AHI1: variants seen among roughly 807,000 people sequenced by gnomAD.
AHI1 encodes jouberin.
In AHI1, 123 loss-of-function variants were observed where a neutral mutation model predicts 149.3. The observed-to-expected ratio is 0.82, with a 90% CI of 0.71 to 0.96. The LOEUF (loss-of-function observed/expected upper bound fraction) is 0.96. AHI1 is among the 40% of genes least tolerant of loss of function. AHI1 has a pLI of 0.00. For missense variants in AHI1, 1,439 were observed against 1,422.7 expected (o/e 1.01, Z -0.18); for synonymous variants, 475 against 459.8 (o/e 1.03, Z -0.42).
At chr6:135,301,962 C>T (rs1388098634) in intron 26 of AHI1, 1 of 985,010 alleles carries the variant, frequency 1.0e-6, no homozygotes, top group Non-Finnish European at 1.2e-6. Flanking sequence ...ATTCTAAACA[C>T]AGCAGTCAAA....
intron 19 of AHI1, among the ~76,000 whole-genome samples, chr6:135,427,732 A>AT (rs376782266): frequency 1.1e-4 from 16 of 148,524 alleles, no homozygotes; most frequent in South Asian, 2.1e-4. Context: ...TAACTTTTCC[A>AT]TTTTTTTTTT....
At chr6:135,314,166 T>C (rs147302907) in intron 26 of AHI1, among the ~76,000 whole-genome samples, 2 of 152,358 alleles carry the variant, frequency 1.3e-5, no homozygotes, top group Middle Eastern at 3.4e-3. Context: ...ATTCATGTGT[T>C]AAAATCCTAA....
chr6:135,413,539 C>G (rs577195659), intron 20 of AHI1, among the ~76,000 whole-genome samples: 1 of 151,372 alleles, frequency 6.6e-6, no homozygotes, highest in East Asian at 2.0e-4. Flanking sequence ...TGGAGTAAGG[C>G]AAGTGAGGCA....
At chr6:135,403,977 G>A (rs1383668834) in intron 22 of AHI1, among the ~76,000 whole-genome samples, 4 of 151,142 alleles carry the variant, frequency 2.6e-5, no homozygotes, top group African/African-American at 9.7e-5. Context: ...ATAGCCTATT[G>A]CATTCCAAGT....
chr6:135,405,452 A>C (rs1780621763), intron 21 of AHI1, among the ~76,000 whole-genome samples: 1 of 152,194 alleles, frequency 6.6e-6, no homozygotes, highest in Non-Finnish European at 1.5e-5. Flanking sequence ...TACAGAAAGG[A>C]ACTCTGTACA....
chr6:135,319,913 C>A (rs1786547250), intron 25 of AHI1, among the ~76,000 whole-genome samples: 1 of 150,808 alleles, frequency 6.6e-6, no homozygotes, highest in South Asian at 2.1e-4. Context: ...GTACGAACTT[C>A]TTTTATTGTG....
At chr6:135,297,843 AG>A (rs796296571) in intron 27 of AHI1, among the ~76,000 whole-genome samples, 61 of 152,364 alleles carry the variant, frequency 4.0e-4, no homozygotes, top group African/African-American at 1.4e-3. Flanking sequence ...GTTATTATAA[AG>A]ATGGAAAAAA....
intron 20 of AHI1, among the ~76,000 whole-genome samples, chr6:135,423,760 A>T (rs1385177721): frequency 1.3e-5 from 2 of 152,084 alleles, no homozygotes; most frequent in African/African-American, 4.8e-5. Flanking sequence ...TGTCCTCTGA[A>T]CCAGAGTTGA....
Position 135,414,036 on chromosome 6 carries a change from C to T in AHI1, c.2765-2492G>A, listed in dbSNP as rs140612263. Among the ~76,000 whole-genome samples, 585 of 152,030 alleles carry T rather than the reference C, an allele frequency of 3.8e-3. 7 individuals are homozygous for T. The highest frequency in any genetic ancestry group is 6.6e-3 in the East Asian group (34 of 5,178). The stretch of plus-strand genomic sequence containing the variant: ...GGAAATGAATATTACCTAGAACAGC[C>T]AAAACAACTTTGAAAAAGAAAAGAA... On this transcript the variant is annotated intron_variant, in intron 20 of 28. Coordinates refer to ENST00000265602, the MANE Select transcript of AHI1 (RefSeq NM_001134831.2).
At chr6:135,353,982 T>C (rs923833231) in intron 24 of AHI1, among the ~76,000 whole-genome samples, 5 of 152,134 alleles carry the variant, frequency 3.3e-5, no homozygotes, top group Non-Finnish European at 5.9e-5. Flanking sequence ...CAGGTTAGAA[T>C]GCTTTAAATT....
At chr6:135,462,173 C>G (rs773286951) in intron 8 of AHI1, among the ~76,000 whole-genome samples, 5 of 151,834 alleles carry the variant, frequency 3.3e-5, no homozygotes, top group Non-Finnish European at 5.9e-5. Context: ...ATAGAAACCA[C>G]AAAACATCAT....
chr6:135,446,315 C>A (rs1787204744), intron 13 of AHI1, among the ~76,000 whole-genome samples: 2 of 152,098 alleles, frequency 1.3e-5, no homozygotes, highest in Non-Finnish European at 2.9e-5. Flanking sequence ...GGGGGAGAGA[C>A]AACAGGGGCG....
At position 135,346,293 on chromosome 6, in the gene AHI1, C is replaced by A. The variant is rs542703362; in HGVS notation, c.3165+11839G>T. Among the ~76,000 whole-genome samples the A allele has an allele frequency of 1.2e-4, 19 of 152,290 alleles. 1 individual carries two copies. The highest frequency in any genetic ancestry group is 1.2e-3 in the Admixed American group (18 of 15,304). On this transcript the variant is annotated intron_variant, in intron 24 of 28. Transcript: ENST00000265602. ...CACTGCAAGCTCCACCTCCCGGGTT[C>A]ACGCCATTTTCCTGCCTCACCCTCC...
chr6:135,367,758 A>G (rs1774401750), intron 23 of AHI1, among the ~76,000 whole-genome samples: 1 of 151,892 alleles, frequency 6.6e-6, no homozygotes, highest in African/African-American at 2.4e-5. Context: ...CATATCCTGT[A>G]TCATTTAAAA....
chr6:135,395,307 A>C (rs1779066290), intron 22 of AHI1, among the ~76,000 whole-genome samples: 1 of 151,960 alleles, frequency 6.6e-6, no homozygotes, highest in Admixed American at 6.6e-5. Flanking sequence ...TCAGAGATAC[A>C]CAGAAAACAC....
Position 135,438,402 on chromosome 6 carries a change from A to G in AHI1, c.2009T>C (p.Leu670Pro). The change falls in exon 15 of 29, where the codon CTT (leucine) becomes CCT (proline). Residue 670 changes from leucine to proline, a missense_variant. By Grantham distance (98) the Leu-to-Pro change is moderately conservative. Coordinates refer to ENST00000265602, the MANE Select transcript of AHI1 (RefSeq NM_001134831.2). ...LSWSKDDHYI[L>P]TSSSDGTARI... is the part of the protein sequence containing the mutation. The stretch of plus-strand genomic sequence containing the variant: ...GGCAGTGCCATCAGATGATGAAGTA[A>G]GGATGTAGTGATCATCTTTTGACCA... The G allele has an allele frequency of 6.3e-7, 1 of 1,577,168 alleles. No homozygotes were observed. The highest frequency in any genetic ancestry group is 1.2e-5 in the South Asian group (1 of 85,044).
rs1251682829 is a variant in AHI1, at chr6:135,497,712, C to G, written c.-331G>C. On this transcript the variant is annotated 5_prime_UTR_variant, in exon 1 of 29. Coordinates refer to ENST00000265602, the MANE Select transcript of AHI1 (RefSeq NM_001134831.2). The stretch of plus-strand genomic sequence containing the variant: ...GCAGCCACCTAACCCGCCAGCGACC[C>G]GTGTCCTGAAAGCAAGCCGCGGCTC... 5.9e-6 allele frequency: 1 copy of G among 170,142 alleles called. No homozygotes were observed. Among genetic ancestry groups the G allele is most frequent in the Middle Eastern group, 2.8e-3 (1 of 356 alleles). 10.5% of individuals were successfully genotyped at this position (170,142 alleles called of 1,614,324 possible).
chr6:135,402,390 C>T (rs1165881825), intron 22 of AHI1, among the ~76,000 whole-genome samples: 1 of 152,152 alleles, frequency 6.6e-6, no homozygotes, highest in East Asian at 1.9e-4. Flanking sequence ...GGAGTATTAT[C>T]TTAATAGCTA....
chr6:135,340,674 T>TAC lies in AHI1; in HGVS notation c.3166-17351_3166-17350insGT, dbSNP rs1374817475. ...ACATACATACATATATATATATATATATATATATATATATATATATATGTT... is the reference window on the plus strand; with the variant it reads ...ACATACATACATATATATATATATATACATATATATATATATATATATATGTT... On this transcript the variant is annotated intron_variant, in intron 24 of 28. Coordinates refer to ENST00000265602, the MANE Select transcript of AHI1 (RefSeq NM_001134831.2). Among the ~76,000 whole-genome samples the TAC allele has an allele frequency of 6.8e-5, 9 of 132,758 alleles. 1 individual carries two copies. The highest frequency in any genetic ancestry group is 2.1e-4 in the East Asian group (1 of 4,760). 87.1% of individuals were successfully genotyped at this position (132,758 alleles called of 152,430 possible). A position where few individuals can be genotyped will look rare whatever the true frequency, so the allele number is the denominator to read the frequency against.
Sources: allele counts gnomAD v4.1 joint callset (sites outside exome capture counted in the v4.1 genomes callset), GRCh38; gene constraint gnomAD v4.1.1; transcripts MANE v1.5; gene names NCBI Gene and HGNC (gene_info 2026-07-23, HGNC 2026-07-21).